The following PRPF31 variants were observed in gnomAD, a reference collection of about 807,000 sequenced individuals.
The protein encoded by PRPF31 is pre-mRNA processing factor 31, also known as U4/U6 small nuclear ribonucleoprotein Prp31.
Under a neutral mutation model 60.4 loss-of-function variants are expected in PRPF31, and 12 were observed. The observed-to-expected ratio is 0.20, with a 90% CI of 0.13 to 0.32. PRPF31 has a LOEUF of 0.32. Among genes scored for constraint, PRPF31 ranks in the 10% least tolerant of loss-of-function variants. The pLI is 1.00. For synonymous variants in PRPF31, 287 were observed against 287.9 expected (o/e 1.00, Z 0.03); for missense variants, 431 against 687.1 (o/e 0.63, Z 4.17).
intron 8 of PRPF31, chr19:54,125,278 T>C (rs2073892580): frequency 6.3e-6 from 1 of 157,798 alleles, no homozygotes; most frequent in South Asian, 1.8e-4. Flanking sequence ...GCAGATCACC[T>C]GAGGTCAGGT....
In PRPF31 at chr19:54,128,069, C is replaced by G. The variant is rs587753187; in HGVS notation, c.946-4C>G. The G allele has an allele frequency of 6.5e-7, 1 of 1,548,562 alleles. No homozygotes were observed. The highest frequency in any genetic ancestry group is 1.2e-5 in the South Asian group (1 of 83,982). On this transcript the variant is annotated splice_region_variant and splice_polypyrimidine_tract_variant and intron_variant, in intron 9 of 13. Transcript: ENST00000321030. Reference sequence around the variant, plus strand: ...CTGCAGGACCTCCCCCTCGCCCTCCCCAGGTGGGCTACGAACTGAAGGATG... The same window carrying G: ...CTGCAGGACCTCCCCCTCGCCCTCCGCAGGTGGGCTACGAACTGAAGGATG...
In PRPF31 at chr19:54,128,202, T is replaced by C; in HGVS notation, c.1073+2T>C. ...GCGGAAGAAGCGAGGCGGCCGCAGG[T>C]GAGGGGCCCTGGGGGTCCGGTAGGC... is the stretch of plus-strand genomic sequence containing the variant. On this transcript the variant is annotated splice_donor_variant, in intron 10 of 13. Coordinates refer to ENST00000321030, the MANE Select transcript of PRPF31 (RefSeq NM_015629.4). LOFTEE classifies it high-confidence loss of function. 1 of 1,570,140 alleles carries C rather than the reference T, an allele frequency of 6.4e-7. No individual in the cohort carries two copies. The highest frequency in any genetic ancestry group is 2.3e-5 in the East Asian group (1 of 43,750).
In PRPF31 at chr19:54,123,735, A is replaced by G; in HGVS notation, c.528-14A>G. 1 of 1,601,928 alleles carries G rather than the reference A, an allele frequency of 6.2e-7. No homozygotes were observed. Among genetic ancestry groups the G allele is most frequent in the East Asian group, 2.2e-5 (1 of 44,514 alleles). On this transcript the variant is annotated splice_polypyrimidine_tract_variant and intron_variant, in intron 6 of 13. Transcript: ENST00000321030. Reference sequence around the variant, plus strand: ...GCGGGAGACCCAGGAGGCTGGGCCCACCCGCCCCTGCAGGCAGCAGCTGTC... The same window carrying G: ...GCGGGAGACCCAGGAGGCTGGGCCCGCCCGCCCCTGCAGGCAGCAGCTGTC...
chr19:54,116,387 G>A (rs1483967131), intron 1 of PRPF31, among the ~76,000 whole-genome samples: 4 of 151,732 alleles, frequency 2.6e-5, no homozygotes, highest in African/African-American at 4.8e-5. Context: ...TGTATTTTTA[G>A]TAGAGACGGG....
chr19:54,130,849 T>C (rs1369323751), intron 13 of PRPF31, among the ~76,000 whole-genome samples: 1 of 152,164 alleles, frequency 6.6e-6, no homozygotes, highest in African/African-American at 2.4e-5. Context: ...TAGAGCCCAA[T>C]GACTGGGTCC....
chr19:54,124,996 G>C, intron 8 of PRPF31: 1 of 461,732 alleles, frequency 2.2e-6, no homozygotes, highest in Non-Finnish European at 4.0e-6. Flanking sequence ...CGTCGGGTTA[G>C]CGTGCAACTG....
Position 54,122,573 on chromosome 19 carries a change from G to C in PRPF31, c.399G>C (p.Leu133=). Residue 133 remains leucine, a synonymous_variant, in exon 5 of 14, where the codon CTG becomes CTC. Coordinates refer to ENST00000321030, the MANE Select transcript of PRPF31 (RefSeq NM_015629.4). ...TGGAGTCCTTGGTCCCCAATGCACT[G>C]GATTACATCCGCACGGTCAAGGTGA... ...PELESLVPNA[L]DYIRTVKELG... 6.2e-7 allele frequency: 1 copy of C among 1,614,112 alleles called. No homozygotes were observed. The highest frequency in any genetic ancestry group is 8.5e-7 in the Non-Finnish European group (1 of 1,179,932).
intron 12 of PRPF31, 31 bp downstream of exon 12, chr19:54,129,216 C>G: frequency 6.3e-7 from 1 of 1,596,938 alleles, no homozygotes; most frequent in South Asian, 1.1e-5. Flanking sequence ...GGGCTGGGGA[C>G]CGAGGGACAC....
rs2074050086 is a variant in PRPF31, at chr19:54,131,623, G to A, written c.*191G>A. The A allele has an allele frequency of 2.6e-6, 2 of 763,624 alleles. No homozygotes were observed. 47.3% of individuals were successfully genotyped at this position (763,624 alleles called of 1,614,324 possible). A position where few individuals can be genotyped will look rare whatever the true frequency, so the allele number is the denominator to read the frequency against. On this transcript the variant is annotated 3_prime_UTR_variant, in exon 14 of 14. Coordinates refer to ENST00000321030, the MANE Select transcript of PRPF31 (RefSeq NM_015629.4). ...CAGGACCGAGATCACCGCCCAGTAT[G>A]GGCTAGAGCAGGTCTTCATCATGCC...
intron 7 of PRPF31, 29 bp from the exon 8 acceptor site, chr19:54,124,470 C>A (rs749898466): frequency 1.9e-6 from 3 of 1,572,852 alleles, no homozygotes; most frequent in South Asian, 1.1e-5. Context: ...TTCTGACCGC[C>A]CCCCCTTCCT....
chr19:54,131,702 A>G lies in PRPF31; in HGVS notation c.*270A>G. 1 of 560,778 alleles carries G rather than the reference A, an allele frequency of 1.8e-6. No homozygotes were observed. The highest frequency in any genetic ancestry group is 3.2e-6 in the Non-Finnish European group (1 of 312,262). 34.7% of individuals were successfully genotyped at this position (560,778 alleles called of 1,614,324 possible). On this transcript the variant is annotated 3_prime_UTR_variant, in exon 14 of 14. Coordinates refer to ENST00000321030, the MANE Select transcript of PRPF31 (RefSeq NM_015629.4). ...TTTTGAAAAGAGTACAATTAAAAGG[A>G]CATTGTCAAGATCTGTCCTTGGGGA... is the stretch of plus-strand genomic sequence containing the variant.
chr19:54,127,268 C>G (rs920423266), intron 9 of PRPF31, among the ~76,000 whole-genome samples: 1 of 152,164 alleles, frequency 6.6e-6, no homozygotes. Context: ...CTGGTCTTTT[C>G]CAGCTTCTAG....
intron 13 of PRPF31, 56 bp downstream of exon 13, chr19:54,129,426 G>T (rs1163835128): frequency 6.5e-7 from 1 of 1,535,038 alleles, no homozygotes; most frequent in African/African-American, 1.4e-5. Context: ...AAGGCCCCTT[G>T]CCCTCTGCCC....
intron 1 of PRPF31, among the ~76,000 whole-genome samples, chr19:54,116,688 C>G (rs2073650125): frequency 6.6e-6 from 1 of 152,244 alleles, no homozygotes; most frequent in South Asian, 2.1e-4. Context: ...TGTAGACACG[C>G]AGAGCGTGCG....
chr19:54,122,025 G>T, intron 4 of PRPF31, 82 bp downstream of exon 4: 1 of 1,416,676 alleles, frequency 7.1e-7, no homozygotes, highest in Non-Finnish European at 9.7e-7. Context: ...CCTTTCCCAG[G>T]GTCCTGCCCC....
intron 2 of PRPF31, 31 bp downstream of exon 2, chr19:54,118,486 G>A (rs781156684): frequency 6.2e-7 from 1 of 1,614,020 alleles, no homozygotes; most frequent in Non-Finnish European, 8.5e-7. Context: ...CCTAGCAGGG[G>A]GCTCTAGACA....
At chr19:54,127,058 T>A (rs2073939030) in intron 9 of PRPF31, among the ~76,000 whole-genome samples, 1 of 152,140 alleles carries the variant, frequency 6.6e-6, no homozygotes, top group Non-Finnish European at 1.5e-5. Context: ...AGACGGAGGT[T>A]GCAGTGAACT....
At chr19:54,123,424 G>A (rs1206347238) in intron 5 of PRPF31, 30 bp from the exon 6 acceptor site, 1 of 1,570,382 alleles carries the variant, frequency 6.4e-7, no homozygotes. Flanking sequence ...GAGTTCCCGA[G>A]CCTCCCCTAT....
At chr19:54,125,803 G>A (rs779736755) in intron 8 of PRPF31, among the ~76,000 whole-genome samples, 4 of 152,306 alleles carry the variant, frequency 2.6e-5, no homozygotes, top group African/African-American at 7.2e-5. Context: ...GAGAGTGGGC[G>A]ATAGAACCCA....
Sources: allele counts gnomAD v4.1 joint callset (sites outside exome capture counted in the v4.1 genomes callset), GRCh38; gene constraint gnomAD v4.1.1; transcripts MANE v1.5; gene names NCBI Gene and HGNC (gene_info 2026-07-23, HGNC 2026-07-21).